NYAP2: variants seen among roughly 807,000 people sequenced by gnomAD.
NYAP2 encodes the protein neuronal tyrosine-phosphorylated phosphoinositide-3-kinase adaptor 2, also known as neuronal tyrosine-phosphorylated phosphoinositide-3-kinase adapter 2.
NYAP2 carries 23 observed loss-of-function variants against 50.4 expected under a neutral mutation model. The observed-to-expected ratio is 0.46, with a 90% CI of 0.33 to 0.65. The LOEUF (loss-of-function observed/expected upper bound fraction) is 0.65. NYAP2 is among the 30% of genes least tolerant of loss of function. The pLI, the probability that NYAP2 is intolerant of heterozygous loss-of-function variation, is 0.02. For missense variants in NYAP2, 885 were observed against 861.0 expected (o/e 1.03, Z -0.35); for synonymous variants, 394 against 365.2 (o/e 1.08, Z -0.90).
At chr2:225,405,780 T>TGGACAATGGG (rs1268557367) in intron 2 of NYAP2, among the ~76,000 whole-genome samples, 1 of 151,934 alleles carries the variant, frequency 6.6e-6, no homozygotes, top group Non-Finnish European at 1.5e-5. Context: ...TTTCTAGATG[T>TGGACAATGGG]GGACAATGGG....
chr2:225,453,969 G>T (rs190054266), intron 3 of NYAP2, among the ~76,000 whole-genome samples: 53 of 151,562 alleles, frequency 3.5e-4, no homozygotes, highest in Non-Finnish European at 6.8e-4. Context: ...GAGTCACCGC[G>T]CCTGGCCATC....
intron 5 of NYAP2, among the ~76,000 whole-genome samples, chr2:225,593,873 A>G (rs1692554420): frequency 6.6e-6 from 1 of 152,374 alleles, no homozygotes; most frequent in Non-Finnish European, 1.5e-5. Flanking sequence ...TTGACTTAGA[A>G]TATTCCACAT....
the NYAP2 span, among the ~76,000 whole-genome samples, chr2:225,665,744 G>T: frequency 7.1e-6 from 1 of 140,894 alleles, no homozygotes; most frequent in Non-Finnish European, 1.5e-5. Context: ...GGGAGGCAGA[G>T]GTTGCAGTGA....
chr2:225,419,003 T>C (rs1429838657), intron 3 of NYAP2, among the ~76,000 whole-genome samples: 4 of 152,196 alleles, frequency 2.6e-5, no homozygotes, highest in African/African-American at 9.7e-5. Context: ...AAACTGAAAC[T>C]TTACACTCAT....
intron 5 of NYAP2, among the ~76,000 whole-genome samples, chr2:225,625,638 G>A (rs1280391491): frequency 6.6e-6 from 1 of 152,142 alleles, no homozygotes; most frequent in African/African-American, 2.4e-5. Flanking sequence ...TTTATTGGGG[G>A]AGGAGTAGGG....
intron 5 of NYAP2, among the ~76,000 whole-genome samples, chr2:225,588,154 G>C (rs1234687558): frequency 1.3e-5 from 2 of 152,084 alleles, no homozygotes; most frequent in Non-Finnish European, 2.9e-5. Flanking sequence ...TCGAACTCCT[G>C]ACCTCAGGTT....
chr2:225,675,335 C>T, the NYAP2 span, among the ~76,000 whole-genome samples: 2 of 151,982 alleles, frequency 1.3e-5, no homozygotes, highest in Non-Finnish European at 2.9e-5. Context: ...TCTATTGTTC[C>T]CATCTATACA....
chr2:225,521,596 A>T (rs1176205149), intron 4 of NYAP2, among the ~76,000 whole-genome samples: 1 of 152,062 alleles, frequency 6.6e-6, no homozygotes, highest in Non-Finnish European at 1.5e-5. Context: ...GCGTATATTG[A>T]ACCAGCCTTG....
intron 2 of NYAP2, among the ~76,000 whole-genome samples, chr2:225,406,598 T>C (rs796230245): frequency 3.9e-5 from 6 of 152,152 alleles, no homozygotes; most frequent in African/African-American, 1.4e-4. Flanking sequence ...TTAATACTTT[T>C]CTAGAATTAG....
At chr2:225,569,626 G>A (rs1014329730) in intron 4 of NYAP2, among the ~76,000 whole-genome samples, 2 of 152,118 alleles carry the variant, frequency 1.3e-5, no homozygotes, top group South Asian at 2.1e-4. Context: ...CAAGTGGCAG[G>A]AATTCTGCTA....
chr2:225,597,079 C>A (rs921779172), intron 5 of NYAP2, among the ~76,000 whole-genome samples: 1 of 151,974 alleles, frequency 6.6e-6, no homozygotes, highest in Non-Finnish European at 1.5e-5. Context: ...AAAAACAAAA[C>A]AAAACACAGG....
At position 225,582,872 on chromosome 2, in the gene NYAP2, C is replaced by G. The variant is rs752009264; in HGVS notation, c.1455C>G (p.Ala485=). 6.2e-7 allele frequency: 1 copy of G among 1,613,722 alleles called. No homozygotes were observed. Among genetic ancestry groups the G allele is most frequent in the Non-Finnish European group, 8.5e-7 (1 of 1,179,864 alleles). The change falls in exon 5 of 7, where the codon GCC becomes GCG. Residue 485 remains alanine (A), a synonymous_variant. Coordinates refer to ENST00000636099, the Ensembl canonical transcript of NYAP2. The surrounding 1 kb of genome is among the most constrained non-coding windows in gnomAD (Gnocchi z 7.0). The stretch of plus-strand genomic sequence containing the variant: ...CCAGACCCGTGTCGCAAGATGGGGC[C>G]AAGATGGTCAACGCCGCGGTGAACA...
chr2:225,681,583 T>G, the NYAP2 span, among the ~76,000 whole-genome samples: 1 of 152,180 alleles, frequency 6.6e-6, no homozygotes, highest in Non-Finnish European at 1.5e-5. Context: ...CTATCAAGCC[T>G]CAGTTATTCA....
chr2:225,423,827 G>A lies in NYAP2; in HGVS notation c.221+14726G>A, dbSNP rs183237505. Reference sequence around the variant, plus strand: ...AACGTATTCTGGCAGACAAGAAATAGTACATAATAGATACATTCACTAGTT... The same window carrying A: ...AACGTATTCTGGCAGACAAGAAATAATACATAATAGATACATTCACTAGTT... On this transcript the variant is annotated intron_variant, in intron 3 of 6. Transcript: ENST00000636099. Among the ~76,000 whole-genome samples the A allele has an allele frequency of 1.7e-3, 263 of 152,154 alleles. 1 individual carries two copies. Among genetic ancestry groups the A allele is most frequent in the Admixed American group, 0.016 (238 of 15,278 alleles).
At chr2:225,638,090 T>G (rs1693453858) in intron 6 of NYAP2, among the ~76,000 whole-genome samples, 1 of 151,826 alleles carries the variant, frequency 6.6e-6, no homozygotes, top group Non-Finnish European at 1.5e-5. Context: ...AAATAGACTC[T>G]AGATATTAGA....
At chr2:225,462,087 A>G (rs1258930710) in intron 3 of NYAP2, among the ~76,000 whole-genome samples, 1 of 152,222 alleles carries the variant, frequency 6.6e-6, no homozygotes, top group Non-Finnish European at 1.5e-5. Flanking sequence ...TATCTCATCA[A>G]ATAAACTTGC....
chr2:225,688,880 T>C, the NYAP2 span, among the ~76,000 whole-genome samples: 11 of 152,074 alleles, frequency 7.2e-5, no homozygotes, highest in Non-Finnish European at 1.3e-4. Context: ...GTAGCCGGGA[T>C]TACAGGTGTA....
intron 3 of NYAP2, among the ~76,000 whole-genome samples, chr2:225,432,610 T>C (rs1199402085): frequency 6.6e-6 from 1 of 152,104 alleles, no homozygotes; most frequent in African/African-American, 2.4e-5. Context: ...TGGAGTTATA[T>C]CTAATTCTGC....
intron 5 of NYAP2, among the ~76,000 whole-genome samples, chr2:225,599,302 A>G (rs867194685): frequency 6.6e-6 from 1 of 152,202 alleles, no homozygotes; most frequent in African/African-American, 2.4e-5. Context: ...ATTCAAATAT[A>G]TTCCATGAAA....
Sources: allele counts gnomAD v4.1 joint callset (sites outside exome capture counted in the v4.1 genomes callset), GRCh38; gene constraint gnomAD v4.1.1; non-coding constraint Gnocchi (gnomAD v3.1); transcripts MANE v1.5; gene names NCBI Gene and HGNC (gene_info 2026-07-23, HGNC 2026-07-21).